The following ARHGEF10L variants were observed in gnomAD, a reference collection of about 807,000 sequenced individuals.
ARHGEF10L encodes the protein rho guanine nucleotide exchange factor 10-like protein.
A neutral mutation model predicts 141.2 loss-of-function variants in ARHGEF10L; 69 were observed. The ratio of observed to expected loss-of-function variants is 0.49; its 90% CI spans 0.40 to 0.60. The LOEUF is 0.60. Ranked by LOEUF, ARHGEF10L falls within the 20% of genes least tolerant of loss-of-function variation. ARHGEF10L has a pLI of 0.00. For missense variants in ARHGEF10L, 1,482 were observed against 1,734.3 expected (o/e 0.85, Z 2.58); for synonymous variants, 711 against 718.5 (o/e 0.99, Z 0.17).
chr1:17,668,694 C>T (rs1271759023), intron 26 of ARHGEF10L, among the ~76,000 whole-genome samples: 1 of 152,196 alleles, frequency 6.6e-6, no homozygotes, highest in Non-Finnish European at 1.5e-5. Context: ...AGCACACGCC[C>T]CCATGTGCAG....
the ARHGEF10L span, among the ~76,000 whole-genome samples, chr1:17,514,911 G>T: frequency 1.3e-5 from 2 of 152,094 alleles, no homozygotes; most frequent in Non-Finnish European, 2.9e-5. Context: ...CAGCGGCCCC[G>T]TCCAGCCCAC....
chr1:17,695,740 A>G (rs1271508725), intron 28 of ARHGEF10L, among the ~76,000 whole-genome samples: 1 of 152,242 alleles, frequency 6.6e-6, no homozygotes, highest in Non-Finnish European at 1.5e-5. Context: ...CAACAAGGGC[A>G]GGATCAGAGA....
chr1:17,637,386 C>A (rs1019253732), intron 18 of ARHGEF10L, among the ~76,000 whole-genome samples: 2 of 152,220 alleles, frequency 1.3e-5, no homozygotes, highest in Non-Finnish European at 2.9e-5. Flanking sequence ...GCCCTTTGTA[C>A]AGACTGACTA....
chr1:17,617,115 G>A (rs1447942673), intron 9 of ARHGEF10L, among the ~76,000 whole-genome samples: 1 of 152,218 alleles, frequency 6.6e-6, no homozygotes, highest in African/African-American at 2.4e-5. Context: ...AGTGAGGGCG[G>A]GCATGATAGG....
At chr1:17,519,129 C>T in the ARHGEF10L span, among the ~76,000 whole-genome samples, 4 of 151,538 alleles carry the variant, frequency 2.6e-5, no homozygotes, top group South Asian at 2.1e-4. Flanking sequence ...GAGCCGAGAT[C>T]GAACTATTGC....
At chr1:17,553,347 A>AT (rs1338247853) in intron 1 of ARHGEF10L, among the ~76,000 whole-genome samples, 1 of 152,240 alleles carries the variant, frequency 6.6e-6, no homozygotes, top group African/African-American at 2.4e-5. Context: ...CTAATAATTC[A>AT]TAAGTGTAAG....
At chr1:17,628,948 C>A (rs1184731900) in intron 15 of ARHGEF10L, among the ~76,000 whole-genome samples, 1 of 152,236 alleles carries the variant, frequency 6.6e-6, no homozygotes, top group East Asian at 1.9e-4. Context: ...CAACCCACAT[C>A]TTAGGACTCT....
intron 1 of ARHGEF10L, among the ~76,000 whole-genome samples, chr1:17,545,704 A>G (rs1226459527): frequency 6.6e-6 from 1 of 152,174 alleles, no homozygotes; most frequent in Admixed American, 6.5e-5. Flanking sequence ...ACCTGTCCAT[A>G]TGGATTCAGG....
In ARHGEF10L at chr1:17,683,562, C is replaced by G. The variant is rs556046100; in HGVS notation, c.3010-4011C>G. Reference sequence around the variant, plus strand: ...GGCCCAGGAGGCTCAGGCAGGACTCCAGGCTCGTGGTGTGAGAAGGGGACC... The same window carrying G: ...GGCCCAGGAGGCTCAGGCAGGACTCGAGGCTCGTGGTGTGAGAAGGGGACC... On this transcript the variant is annotated intron_variant, in intron 26 of 28. Coordinates refer to ENST00000361221, the MANE Select transcript of ARHGEF10L (RefSeq NM_018125.4). Among the ~76,000 whole-genome samples the G allele has an allele frequency of 5.8e-4, 88 of 152,336 alleles. No individual in the cohort carries two copies. The South Asian group carries it at 8.9e-3, about 15-fold the overall frequency.
chr1:17,642,387 G>A (rs983376830), intron 21 of ARHGEF10L, among the ~76,000 whole-genome samples: 5 of 152,244 alleles, frequency 3.3e-5, no homozygotes, highest in Non-Finnish European at 7.3e-5. Context: ...AGGTAGGTGG[G>A]TGTGTTGCGG....
Position 17,634,864 on chromosome 1 carries a change from C to T in ARHGEF10L, c.1775C>T (p.Pro592Leu). 1 of 1,613,914 alleles carries T rather than the reference C, an allele frequency of 6.2e-7. No homozygotes were observed. Among genetic ancestry groups the T allele is most frequent in the Non-Finnish European group, 8.5e-7 (1 of 1,179,918 alleles). The change falls in exon 18 of 29, where the codon CCC becomes CTC. Residue 592 changes from proline (P) to leucine (L), a missense_variant. Transcript: ENST00000361221. ...RGQLEISSLV[P>L]LGPKYVVKWN... ...CAGCTGGAGATCAGCAGCCTGGTGC[C>T]CCTGGGGCCCAAGTATGTGGTGAAG...
At position 17,627,659 on chromosome 1, in the gene ARHGEF10L, CTCAGCGGGACCCCCACGT is replaced by C. The variant is rs2060462404; in HGVS notation, c.1584+160_1584+177del. Among the ~76,000 whole-genome samples, 1 of 152,190 alleles carries C rather than the reference CTCAGCGGGACCCCCACGT, an allele frequency of 6.6e-6. No individual in the cohort carries two copies. The highest frequency in any genetic ancestry group is 2.1e-4 in the South Asian group (1 of 4,832). On this transcript the variant is annotated intron_variant, in intron 15 of 28. Coordinates refer to ENST00000361221, the MANE Select transcript of ARHGEF10L (RefSeq NM_018125.4). The surrounding 1 kb of genome is among the most constrained non-coding windows in gnomAD (Gnocchi z 4.0). ...AGGATGTGACCTTGGGGATTGGATC[CTCAGCGGGACCCCCACGT>C]TCATTCCTGTTCATGTTATTTTAAG...
At chr1:17,630,410 G>A (rs529791820) in intron 15 of ARHGEF10L, among the ~76,000 whole-genome samples, 2 of 152,372 alleles carry the variant, frequency 1.3e-5, no homozygotes, top group African/African-American at 4.8e-5. Context: ...GGCAGCCCTT[G>A]GGGCGGGGGG....
chr1:17,645,282 T>A (rs558184421), intron 21 of ARHGEF10L, among the ~76,000 whole-genome samples: 2 of 152,184 alleles, frequency 1.3e-5, no homozygotes, highest in South Asian at 4.2e-4. Context: ...ACGGGAACAA[T>A]GGCAGTGGCA....
At chr1:17,676,583 G>A (rs2063741194) in intron 26 of ARHGEF10L, among the ~76,000 whole-genome samples, 1 of 151,958 alleles carries the variant, frequency 6.6e-6, no homozygotes, top group African/African-American at 2.4e-5. Context: ...GCCAGTGCCT[G>A]GGGACGCTTT....
At chr1:17,562,612 T>A (rs1027944494) in intron 1 of ARHGEF10L, among the ~76,000 whole-genome samples, 1 of 152,262 alleles carries the variant, frequency 6.6e-6, no homozygotes, top group Admixed American at 6.5e-5. Context: ...TGAATCATTG[T>A]CACTTTGATT....
the ARHGEF10L span, among the ~76,000 whole-genome samples, chr1:17,532,677 C>A: frequency 1.3e-5 from 2 of 151,390 alleles, no homozygotes; most frequent in African/African-American, 4.9e-5. Flanking sequence ...TCACTGCAAC[C>A]TCCGTCATCC....
intron 26 of ARHGEF10L, among the ~76,000 whole-genome samples, chr1:17,668,271 C>T (rs2063105761): frequency 6.6e-6 from 1 of 152,234 alleles, no homozygotes; most frequent in Non-Finnish European, 1.5e-5. Flanking sequence ...TGTGGGGCAT[C>T]GAGCCCACAC....
In ARHGEF10L at chr1:17,627,169, C is replaced by A. The variant is rs1205325925; in HGVS notation, c.1411-161C>A. On this transcript the variant is annotated intron_variant, in intron 14 of 28. Transcript: ENST00000361221. This position sits in a 1 kb window ranked among gnomAD's most constrained non-coding sequence, Gnocchi z 4.0. ...TTTCTTTTTCATGCATTAGCTGTTTCTTGAGGTCTTGTTCTGCATCTGGTG... is the reference window on the plus strand; with the variant it reads ...TTTCTTTTTCATGCATTAGCTGTTTATTGAGGTCTTGTTCTGCATCTGGTG... 6.6e-6 allele frequency among the ~76,000 whole-genome samples: 1 copy of A among 152,202 alleles called. No individual in the cohort carries two copies. The highest frequency in any genetic ancestry group is 1.5e-5 in the Non-Finnish European group (1 of 68,038).
Sources: gnomAD v4.1 joint callset for allele counts (sites outside exome capture counted in the v4.1 genomes callset) on GRCh38, gnomAD v4.1.1 for gene constraint, Gnocchi (gnomAD v3.1) non-coding constraint, MANE v1.5 for transcripts, NCBI Gene and HGNC (gene_info 2026-07-23, HGNC 2026-07-21) for gene names.